Variants in ZFAND4 observed in about 807,000 individuals in gnomAD.
ZFAND4 encodes the protein AN1-type zinc finger protein 4.
Under a neutral mutation model 64.4 loss-of-function variants are expected in ZFAND4, and 43 were observed. The ratio of observed to expected loss-of-function variants is 0.67; its 90% CI spans 0.52 to 0.86. The LOEUF (loss-of-function observed/expected upper bound fraction) is 0.86. Among genes scored for constraint, ZFAND4 ranks in the 40% least tolerant of loss-of-function variants. ZFAND4 has a pLI of 0.00. For missense variants in ZFAND4, 929 were observed against 859.8 expected, an observed-to-expected ratio of 1.08 and a Z score of -1.01; for synonymous variants, 296 against 305.7, an observed-to-expected ratio of 0.97 and a Z score of 0.33.
chr10:45,665,001 C>T (rs938280384), intron 1 of ZFAND4, among the ~76,000 whole-genome samples: 7 of 152,082 alleles, frequency 4.6e-5, no homozygotes, highest in African/African-American at 1.7e-4. Flanking sequence ...ATTCAGATGA[C>T]ATTAGAATTG....
chr10:45,636,689 C>G (rs1473977911), intron 6 of ZFAND4, among the ~76,000 whole-genome samples: 1 of 151,694 alleles, frequency 6.6e-6, no homozygotes, highest in Non-Finnish European at 1.5e-5. Context: ...TATGGTTTAC[C>G]CTGGTAAATG....
chr10:45,645,966 G>C (rs1207886230), intron 5 of ZFAND4, among the ~76,000 whole-genome samples: 1 of 152,022 alleles, frequency 6.6e-6, no homozygotes, highest in East Asian at 1.9e-4. Context: ...ATCAGCATCT[G>C]ACAGTACCTA....
Position 45,622,773 on chromosome 10 carries a change from G to C in ZFAND4, c.1927+1810C>G, listed in dbSNP as rs9703030. On this transcript the variant is annotated intron_variant, in intron 8 of 9. Coordinates refer to ENST00000344646, the MANE Select transcript of ZFAND4 (RefSeq NM_174890.4). ...TCATTGGGTTTTATAGTGGCTTTCT[G>C]ATTTTTGGTAGTCCGTTGAAGACGG... Among the ~76,000 whole-genome samples the C allele has an allele frequency of 2.6e-5, 4 of 152,310 alleles. No individual in the cohort carries two copies. In the East Asian group the frequency reaches 7.7e-4, roughly 29 times the overall value.
intron 5 of ZFAND4, among the ~76,000 whole-genome samples, chr10:45,640,900 A>G (rs1482641756): frequency 6.6e-6 from 1 of 152,220 alleles, no homozygotes; most frequent in East Asian, 1.9e-4. Context: ...CAGTCAAGTC[A>G]TGATACAAGC....
intron 7 of ZFAND4, 67 bp from the exon 8 acceptor site, chr10:45,624,704 G>T (rs368251363): frequency 1.6e-4 from 206 of 1,276,822 alleles, no homozygotes; most frequent in Non-Finnish European, 2.2e-4. Flanking sequence ...CAACAAACAT[G>T]AAATACTTGT....
intron 5 of ZFAND4, chr10:45,640,415 A>G: frequency 9.8e-7 from 1 of 1,015,648 alleles, no homozygotes; most frequent in Non-Finnish European, 1.3e-6. Context: ...TCCTGAGGAG[A>G]TTCTCACTAA....
intron 6 of ZFAND4, among the ~76,000 whole-genome samples, chr10:45,638,280 G>A (rs1429042598): frequency 4.0e-5 from 6 of 149,380 alleles, no homozygotes; most frequent in East Asian, 2.0e-4. Context: ...TCAGGAGATC[G>A]AGACCAACTT....
At chr10:45,646,778 A>G (rs1461983786) in intron 5 of ZFAND4, among the ~76,000 whole-genome samples, 1 of 152,242 alleles carries the variant, frequency 6.6e-6, no homozygotes, top group African/African-American at 2.4e-5. Flanking sequence ...AAAACTAAAC[A>G]GTGAGCCAGC....
chr10:45,639,771 A>C, intron 6 of ZFAND4, 45 bp downstream of exon 6: 1 of 1,560,702 alleles, frequency 6.4e-7, no homozygotes, highest in Non-Finnish European at 8.6e-7. Context: ...AGTGCTCTGC[A>C]GGGGTAAGCT....
intron 1 of ZFAND4, among the ~76,000 whole-genome samples, chr10:45,671,986 A>C (rs1157655416): frequency 6.6e-6 from 1 of 152,204 alleles, no homozygotes; most frequent in Non-Finnish European, 1.5e-5. Flanking sequence ...TGCTCTAAAG[A>C]AGCTTAGCTA....
chr10:45,659,217 G>A (rs1387793624), intron 2 of ZFAND4, among the ~76,000 whole-genome samples: 1 of 152,176 alleles, frequency 6.6e-6, no homozygotes, highest in African/African-American at 2.4e-5. Context: ...ACACTTTGAA[G>A]GTCCCAGCCT....
At chr10:45,659,130 G>A (rs1487223104) in intron 2 of ZFAND4, among the ~76,000 whole-genome samples, 1 of 152,106 alleles carries the variant, frequency 6.6e-6, no homozygotes, top group Non-Finnish European at 1.5e-5. Context: ...AAATTATTGA[G>A]GGCCAGAAAC....
intron 8 of ZFAND4, among the ~76,000 whole-genome samples, chr10:45,618,777 T>TA (rs2045194985): frequency 2.0e-5 from 3 of 152,186 alleles, no homozygotes; most frequent in Admixed American, 2.0e-4. Context: ...ATTTTTAACA[T>TA]AATAGAACAT....
chr10:45,647,690 G>T (rs1290223896), intron 5 of ZFAND4, among the ~76,000 whole-genome samples: 1 of 152,020 alleles, frequency 6.6e-6, no homozygotes, highest in Non-Finnish European at 1.5e-5. Flanking sequence ...ATGAAGGTAG[G>T]AATAATCATC....
chr10:45,665,973 T>C (rs1318630584), intron 1 of ZFAND4, among the ~76,000 whole-genome samples: 1 of 152,250 alleles, frequency 6.6e-6, no homozygotes, highest in African/African-American at 2.4e-5. Flanking sequence ...CATCAGTTGA[T>C]GAGCATTTGA....
At position 45,626,250 on chromosome 10, in the gene ZFAND4, AAGT is replaced by A; in HGVS notation, c.1570_1572del (p.Thr524del). 1 of 1,614,196 alleles carries A rather than the reference AAGT, an allele frequency of 6.2e-7. No homozygotes were observed. The highest frequency in any genetic ancestry group is 8.5e-7 in the Non-Finnish European group (1 of 1,180,034). The stretch of plus-strand genomic sequence containing the variant: ...GAATCAACTTTAACACCTTGAAAGC[AAGT>A]AGTCCTAGAGAAAGAAGAATCAGTT... On this transcript the variant is annotated inframe_deletion, in exon 7 of 10. Coordinates refer to ENST00000344646, the MANE Select transcript of ZFAND4 (RefSeq NM_174890.4).
At chr10:45,648,224 G>C in intron 5 of ZFAND4, 70 bp downstream of exon 5, 1 of 1,407,856 alleles carries the variant, frequency 7.1e-7, no homozygotes, top group Non-Finnish European at 9.4e-7. Context: ...GCAGGAATGA[G>C]ATGCATGACA....
chr10:45,616,526 A>G lies in ZFAND4; in HGVS notation c.2094T>C (p.His698=). 2 of 1,614,184 alleles carry G rather than the reference A, an allele frequency of 1.2e-6. No homozygotes were observed. Among genetic ancestry groups the G allele is most frequent in the Non-Finnish European group, 1.7e-6 (2 of 1,180,022 alleles). Residue 698 remains histidine, a synonymous_variant, in exon 10 of 10, where the codon CAT becomes CAC. Coordinates refer to ENST00000344646, the MANE Select transcript of ZFAND4 (RefSeq NM_174890.4). ...FCASHRYAET[H]GCTYDYKSAG... ...CACTCTTGTAATCATAGGTACAGCC[A>G]TGAGTTTCTGCATAACGATGAGATG... is the stretch of plus-strand genomic sequence containing the variant.
chr10:45,625,845 A>T, intron 7 of ZFAND4, 106 bp downstream of exon 7: 2 of 1,065,838 alleles, frequency 1.9e-6, no homozygotes. Context: ...TTATGAAAAT[A>T]ATCTAATCTT....
Sources: gnomAD v4.1 joint callset for allele counts (sites outside exome capture counted in the v4.1 genomes callset) on GRCh38, gnomAD v4.1.1 for gene constraint, MANE v1.5 for transcripts, NCBI Gene and HGNC (gene_info 2026-07-23, HGNC 2026-07-21) for gene names.